The following ASAP2 variants were observed in gnomAD, a reference collection of about 807,000 sequenced individuals.
ASAP2 encodes the protein ArfGAP with SH3 domain, ankyrin repeat and PH domain 2, also known as arf-GAP with SH3 domain, ANK repeat and PH domain-containing protein 2.
ASAP2 carries 45 observed loss-of-function variants against 131.4 expected under a neutral mutation model. The observed-to-expected ratio is 0.34, with a 90% CI of 0.27 to 0.44. ASAP2 has a LOEUF of 0.44. Ranked by LOEUF, ASAP2 falls within the 20% of genes least tolerant of loss-of-function variation. ASAP2 has a pLI of 1.00. For missense variants in ASAP2, 1,011 were observed against 1,297.0 expected, an observed-to-expected ratio of 0.78 and a Z score of 3.39; for synonymous variants, 510 against 503.0, an observed-to-expected ratio of 1.01 and a Z score of -0.19.
At chr2:9,253,482 G>A (rs1460675087) in intron 1 of ASAP2, among the ~76,000 whole-genome samples, 1 of 152,180 alleles carries the variant, frequency 6.6e-6, no homozygotes, top group Non-Finnish European at 1.5e-5. Flanking sequence ...CGTTTTAAAT[G>A]TGCAGTTTAG....
At chr2:9,289,250 C>T (rs763763721) in intron 2 of ASAP2, among the ~76,000 whole-genome samples, 7 of 152,174 alleles carry the variant, frequency 4.6e-5, no homozygotes, top group African/African-American at 7.2e-5. Flanking sequence ...ACACACCAAG[C>T]GCCTTGAATT....
At chr2:9,361,361 T>C (rs1673063903) in intron 15 of ASAP2, among the ~76,000 whole-genome samples, 1 of 152,116 alleles carries the variant, frequency 6.6e-6, no homozygotes, top group Non-Finnish European at 1.5e-5. Flanking sequence ...GGTGGACATC[T>C]CCCCACGGCT....
intron 7 of ASAP2, 32 bp from the exon 8 acceptor site, chr2:9,334,706 A>G (rs1416177200): frequency 3.8e-6 from 6 of 1,590,340 alleles, no homozygotes; most frequent in Non-Finnish European, 5.2e-6. Flanking sequence ...CCTTTGTGAA[A>G]TGTCATCTCT....
At chr2:9,295,996 G>A (rs1048841855) in intron 2 of ASAP2, among the ~76,000 whole-genome samples, 14 of 152,148 alleles carry the variant, frequency 9.2e-5, no homozygotes, top group Admixed American at 5.2e-4. Flanking sequence ...AGCCATTGGC[G>A]TTAGCTGACA....
chr2:9,362,385 A>G (rs1275476645), intron 15 of ASAP2, among the ~76,000 whole-genome samples: 4 of 152,242 alleles, frequency 2.6e-5, no homozygotes, highest in Admixed American at 2.6e-4. Flanking sequence ...ATGCTGTGAC[A>G]GCAAAGGATT....
chr2:9,242,941 A>G (rs904025970), intron 1 of ASAP2, among the ~76,000 whole-genome samples: 2 of 152,128 alleles, frequency 1.3e-5, no homozygotes, highest in African/African-American at 2.4e-5. Flanking sequence ...TTTTTGCTCA[A>G]AAAAAGAGGC....
intron 1 of ASAP2, among the ~76,000 whole-genome samples, chr2:9,211,445 G>A (rs1177643195): frequency 6.6e-6 from 1 of 151,808 alleles, no homozygotes; most frequent in Non-Finnish European, 1.5e-5. Flanking sequence ...TCTCAAAATA[G>A]GGAAAAATTG....
At chr2:9,296,273 G>T (rs887951350) in intron 2 of ASAP2, among the ~76,000 whole-genome samples, 1 of 152,262 alleles carries the variant, frequency 6.6e-6, no homozygotes, top group Non-Finnish European at 1.5e-5. Flanking sequence ...GCCTGACCTA[G>T]AAGTGAGGGA....
At chr2:9,291,748 G>A (rs929868631) in intron 2 of ASAP2, among the ~76,000 whole-genome samples, 2 of 152,158 alleles carry the variant, frequency 1.3e-5, no homozygotes, top group African/African-American at 4.8e-5. Flanking sequence ...TGGAGCAGGG[G>A]TTTGGAGGGT....
intron 15 of ASAP2, among the ~76,000 whole-genome samples, chr2:9,361,942 C>A (rs1673108657): frequency 6.7e-6 from 1 of 149,994 alleles, no homozygotes; most frequent in African/African-American, 2.5e-5. Context: ...TTCCTGAAGT[C>A]TTTTTACCTC....
chr2:9,223,948 G>A (rs1200464811), intron 1 of ASAP2, among the ~76,000 whole-genome samples: 1 of 152,200 alleles, frequency 6.6e-6, no homozygotes. Context: ...GATTTGGTGC[G>A]CTGGGATGCA....
At chr2:9,213,464 G>T (rs1341549471) in intron 1 of ASAP2, among the ~76,000 whole-genome samples, 3 of 152,140 alleles carry the variant, frequency 2.0e-5, no homozygotes, top group Non-Finnish European at 4.4e-5. Context: ...TTTTGAGCAG[G>T]GAATAACATG....
intron 1 of ASAP2, among the ~76,000 whole-genome samples, chr2:9,247,037 G>C (rs577397263): frequency 2.0e-4 from 30 of 151,972 alleles, no homozygotes; most frequent in Non-Finnish European, 3.8e-4. Context: ...GATGGGGTCT[G>C]TGTTGTCCAG....
At chr2:9,379,085 G>A (rs776603640) in intron 19 of ASAP2, 26 bp downstream of exon 19, 10 of 1,470,754 alleles carry the variant, frequency 6.8e-6, no homozygotes, top group African/African-American at 1.4e-5. Flanking sequence ...CCCCGGGGGT[G>A]GGCTCAGCTG....
rs575575986 is a variant in ASAP2 at position 9,387,443 on chromosome 2, T to C, written c.2131-851T>C. 2.6e-5 allele frequency among the ~76,000 whole-genome samples: 4 copies of C among 152,302 alleles called. No homozygotes were observed. The East Asian group carries it at 7.7e-4, about 29-fold the overall frequency. Reference sequence around the variant, plus strand: ...CTGACAAAAAACAGGTGGTAGTCCATAGGCCACTGTTTGCTAACCCTAATT... The same window carrying C: ...CTGACAAAAAACAGGTGGTAGTCCACAGGCCACTGTTTGCTAACCCTAATT... On this transcript the variant is annotated intron_variant, in intron 21 of 27. Transcript: ENST00000281419.
intron 1 of ASAP2, among the ~76,000 whole-genome samples, chr2:9,230,302 C>T (rs1283141286): frequency 1.3e-5 from 2 of 152,140 alleles, no homozygotes; most frequent in Non-Finnish European, 2.9e-5. Context: ...GGCCAGGGAC[C>T]CAGAGGACCA....
chr2:9,391,932 G>A (rs1675760120), intron 23 of ASAP2, among the ~76,000 whole-genome samples: 1 of 152,020 alleles, frequency 6.6e-6, no homozygotes, highest in Admixed American at 6.6e-5. Context: ...CCAGGCTGGA[G>A]TGCAGTGGCA....
chr2:9,236,785 C>G (rs1330009219), intron 1 of ASAP2, among the ~76,000 whole-genome samples: 1 of 152,120 alleles, frequency 6.6e-6, no homozygotes, highest in Non-Finnish European at 1.5e-5. Context: ...TTTGTCAGCA[C>G]AGTTAAATTT....
At chr2:9,387,294 A>G (rs1262601435) in intron 21 of ASAP2, among the ~76,000 whole-genome samples, 2 of 152,092 alleles carry the variant, frequency 1.3e-5, no homozygotes, top group Non-Finnish European at 2.9e-5. Flanking sequence ...AAATATTTTA[A>G]GCTCTACGGG....
Sources: gnomAD v4.1 joint callset for allele counts (sites outside exome capture counted in the v4.1 genomes callset) on GRCh38, gnomAD v4.1.1 for gene constraint, MANE v1.5 for transcripts, NCBI Gene and HGNC (gene_info 2026-07-23, HGNC 2026-07-21) for gene names.